Variants in OR14A2 observed in about 807,000 individuals in gnomAD.
OR14A2 encodes olfactory receptor family 14 subfamily A member 2.
For missense variants in OR14A2, 237 were observed against 152.9 expected (o/e 1.55, Z -2.90); for synonymous variants, 114 against 58.6 (o/e 1.95, Z -4.32).
chr1:247,734,966 G>C, the OR14A2 span, among the ~76,000 whole-genome samples: 309 of 152,282 alleles, frequency 2.0e-3, no homozygotes, highest in Middle Eastern at 3.4e-3. Context: ...ATCAAAATCT[G>C]AAAATAAACT....
chr1:247,738,993 C>T, the OR14A2 span: 45 of 780,640 alleles, frequency 5.8e-5, no homozygotes, highest in Non-Finnish European at 8.6e-5. Flanking sequence ...CATCTGCTGC[C>T]CCCTACACTG....
chr1:247,735,766 G>A, the OR14A2 span, among the ~76,000 whole-genome samples: 4 of 152,120 alleles, frequency 2.6e-5, no homozygotes, highest in South Asian at 8.3e-4. Flanking sequence ...AATCAAAATC[G>A]TCGTGAGTTT....
At chr1:247,726,507 C>A (rs1457855239), upstream of OR14A2, among the ~76,000 whole-genome samples, 489 of 87,340 alleles carry the variant, frequency 5.6e-3, no homozygotes, top group African/African-American at 0.016. Flanking sequence ...ATGGTAGTTT[C>A]TTTTGCTGTG....
chr1:247,733,393 A>C, the OR14A2 span, among the ~76,000 whole-genome samples: 2 of 152,242 alleles, frequency 1.3e-5, no homozygotes, highest in African/African-American at 4.8e-5. Context: ...TCTGAAAAGA[A>C]ACAAAAACCA....
exon 1 of OR14A2, chr1:247,723,542 C>G: frequency 1.4e-6 from 1 of 718,032 alleles, no homozygotes; most frequent in Non-Finnish European, 2.6e-6. Flanking sequence ...ACACTGGAGC[C>G]ACAGAAAGGC....
upstream of OR14A2, among the ~76,000 whole-genome samples, chr1:247,727,534 A>C (rs1315017235): frequency 2.6e-5 from 4 of 151,850 alleles, no homozygotes; most frequent in African/African-American, 7.3e-5. Flanking sequence ...AGAGCAAACA[A>C]ATTCAAAAGC....
At chr1:247,740,481 T>A in the OR14A2 span, among the ~76,000 whole-genome samples, 1 of 152,230 alleles carries the variant, frequency 6.6e-6, no homozygotes, top group Non-Finnish European at 1.5e-5. Flanking sequence ...CATGTCTTTT[T>A]AAAAATAAAT....
At chr1:247,729,563 A>G in the OR14A2 span, among the ~76,000 whole-genome samples, 1 of 152,096 alleles carries the variant, frequency 6.6e-6, no homozygotes, top group Non-Finnish European at 1.5e-5. Context: ...AAGTTACTTA[A>G]AATGGTTTCT....
the OR14A2 span, among the ~76,000 whole-genome samples, chr1:247,740,519 C>A: frequency 1.3e-5 from 2 of 152,094 alleles, no homozygotes; most frequent in Non-Finnish European, 2.9e-5. Context: ...ATATTTTTCT[C>A]TTCATTAAAA....
chr1:247,729,915 T>A, the OR14A2 span, among the ~76,000 whole-genome samples: 2 of 152,122 alleles, frequency 1.3e-5, no homozygotes, highest in African/African-American at 4.8e-5. Flanking sequence ...TATACTCCCT[T>A]ACATTTGATT....
chr1:247,745,438 C>A, the OR14A2 span, among the ~76,000 whole-genome samples: 10 of 147,450 alleles, frequency 6.8e-5, no homozygotes, highest in South Asian at 2.1e-4. Flanking sequence ...ATAGTATGAA[C>A]CATAATGTAG....
At chr1:247,723,900 G>T (rs1205423909) in exon 1 of OR14A2, 2 of 717,186 alleles carry the variant, frequency 2.8e-6, no homozygotes, top group Admixed American at 2.0e-5. Flanking sequence ...TTACGTCCAG[G>T]GTAATGAGAG....
At chr1:247,735,507 G>A in the OR14A2 span, among the ~76,000 whole-genome samples, 12 of 152,296 alleles carry the variant, frequency 7.9e-5, no homozygotes, top group African/African-American at 2.2e-4. Flanking sequence ...GTGGCATCAC[G>A]TCTCAGATCT....
upstream of OR14A2, chr1:247,724,190 C>T: frequency 2.0e-6 from 1 of 511,444 alleles, no homozygotes; most frequent in Non-Finnish European, 3.4e-6. Flanking sequence ...ATGTACCTAC[C>T]TAAAATGGCT....
chr1:247,725,746 T>C (rs1481816225), upstream of OR14A2, among the ~76,000 whole-genome samples: 9 of 133,034 alleles, frequency 6.8e-5, no homozygotes, highest in African/African-American at 2.6e-4. Flanking sequence ...GTGATCTCAT[T>C]GTTCAGTTCC....
At chr1:247,726,892 A>C (rs1353512642), upstream of OR14A2, among the ~76,000 whole-genome samples, 3 of 136,322 alleles carry the variant, frequency 2.2e-5, no homozygotes, top group Non-Finnish European at 4.6e-5. Context: ...ATTGATCTAT[A>C]TCTCTGTTTT....
At chr1:247,727,600 C>T (rs1445183911), upstream of OR14A2, among the ~76,000 whole-genome samples, 3 of 147,508 alleles carry the variant, frequency 2.0e-5, no homozygotes, top group African/African-American at 5.3e-5. Context: ...AATAGAGACA[C>T]AAAAAACCCT....
At chr1:247,732,009 GC>G in the OR14A2 span, among the ~76,000 whole-genome samples, 2 of 152,124 alleles carry the variant, frequency 1.3e-5, no homozygotes, top group South Asian at 4.2e-4. Flanking sequence ...ATATTAACAA[GC>G]CATTTCTTCA....
At chr1:247,728,551 A>G (rs1212998724), upstream of OR14A2, among the ~76,000 whole-genome samples, 3 of 152,048 alleles carry the variant, frequency 2.0e-5, no homozygotes, top group Admixed American at 6.6e-5. Context: ...CCTATTCAAC[A>G]TAGTGTTGGA....
Sources: allele counts gnomAD v4.1 joint callset (sites outside exome capture counted in the v4.1 genomes callset), GRCh38; gene constraint gnomAD v4.1.1; transcripts MANE v1.5; gene names NCBI Gene and HGNC (gene_info 2026-07-23, HGNC 2026-07-21).